The following JAZF1 variants were observed in gnomAD, a reference collection of about 807,000 sequenced individuals.
JAZF1 encodes the protein juxtaposed with another zinc finger protein 1.
Under a neutral mutation model 26.4 loss-of-function variants are expected in JAZF1, and 8 were observed. The observed-to-expected ratio is 0.30, with a 90% CI of 0.18 to 0.55. The LOEUF is 0.55. JAZF1 is among the 20% of genes least tolerant of loss of function. The pLI is 0.94. For missense variants in JAZF1, 199 were observed against 322.0 expected (o/e 0.62, Z 2.92); for synonymous variants, 126 against 122.3 (o/e 1.03, Z -0.20).
chr7:27,976,188 C>CA (rs1407175494), intron 2 of JAZF1, among the ~76,000 whole-genome samples: 2 of 151,278 alleles, frequency 1.3e-5, no homozygotes, highest in African/African-American at 2.4e-5. Context: ...ACTAAAAATA[C>CA]AAAAAAAATT....
Position 28,108,258 on chromosome 7 carries a change from G to A in JAZF1, c.115+72205C>T, listed in dbSNP as rs559247965. On this transcript the variant is annotated intron_variant, in intron 1 of 4. Transcript: ENST00000283928. ...CATATCCAGGCCCAGTTAATGCCCC[G>A]ATTGGATTAACCTTCCAACCTCTCT... Among the ~76,000 whole-genome samples, 5 of 152,262 alleles carry A rather than the reference G, an allele frequency of 3.3e-5. No individual in the cohort carries two copies. In the South Asian group the frequency reaches 6.2e-4, roughly 19 times the overall value.
chr7:27,978,259 G>A (rs969729358), intron 2 of JAZF1, among the ~76,000 whole-genome samples: 3 of 152,122 alleles, frequency 2.0e-5, no homozygotes, highest in Non-Finnish European at 4.4e-5. Flanking sequence ...GACAGGATTC[G>A]AACCTAAACA....
intron 2 of JAZF1, among the ~76,000 whole-genome samples, chr7:27,899,950 G>C (rs1288640695): frequency 6.6e-6 from 1 of 152,194 alleles, no homozygotes; most frequent in Non-Finnish European, 1.5e-5. Context: ...GGGAAATGCA[G>C]TGAGAACTCC....
chr7:28,150,771 C>CT (rs1288177281), intron 1 of JAZF1, among the ~76,000 whole-genome samples: 1 of 152,192 alleles, frequency 6.6e-6, no homozygotes, highest in Non-Finnish European at 1.5e-5. Flanking sequence ...GCCACTTCGC[C>CT]TCCAGGCCCA....
rs1365563514 is a variant in JAZF1, at chr7:27,840,762, C to G, written c.491G>C (p.Cys164Ser). ...AGGCTTCTCTTCCCCTCCATTCATG[C>G]ACATGGAGCTGAGGATGGCTTCGGA... ...ISSEAILSSM[C>S]MNGGEEKPFA... The change falls in exon 4 of 5, where the codon TGC becomes TCC. Residue 164 changes from cysteine (C) to serine (S), a missense_variant. Cys to Ser is a moderately radical substitution (Grantham distance 112). Around this residue, in one of 2 missense-constraint regions of JAZF1, gnomAD observed 62 missense variants for 137.2 expected, o/e 0.45. Coordinates refer to ENST00000283928, the MANE Select transcript of JAZF1 (RefSeq NM_175061.4). This position sits in a 1 kb window ranked among gnomAD's most constrained non-coding sequence, Gnocchi z 5.1. The G allele has an allele frequency of 6.2e-7, 1 of 1,614,138 alleles. No individual in the cohort carries two copies. The highest frequency in any genetic ancestry group is 8.5e-7 in the Non-Finnish European group (1 of 1,179,944).
At chr7:28,172,820 G>A (rs1783492117) in intron 1 of JAZF1, among the ~76,000 whole-genome samples, 2 of 152,244 alleles carry the variant, frequency 1.3e-5, no homozygotes, top group South Asian at 4.1e-4. Flanking sequence ...AGGATGGCTA[G>A]GGATAACTTG....
chr7:27,845,464 C>T (rs909850017), intron 3 of JAZF1, among the ~76,000 whole-genome samples: 7 of 151,988 alleles, frequency 4.6e-5, no homozygotes, highest in African/African-American at 1.2e-4. Flanking sequence ...TTTGGGAGGC[C>T]GAGGCGGGTG....
At chr7:28,161,808 C>T (rs1322652553) in intron 1 of JAZF1, among the ~76,000 whole-genome samples, 1 of 152,110 alleles carries the variant, frequency 6.6e-6, no homozygotes, top group African/African-American at 2.4e-5. Flanking sequence ...TCTCACCATT[C>T]GCATGGCAGT....
intron 2 of JAZF1, among the ~76,000 whole-genome samples, chr7:27,949,061 G>C (rs577202853): frequency 6.6e-6 from 1 of 152,236 alleles, no homozygotes; most frequent in East Asian, 1.9e-4. Context: ...TCCCACAACA[G>C]CTGCTCTCAT....
At chr7:28,015,082 T>C (rs1782863976) in intron 1 of JAZF1, among the ~76,000 whole-genome samples, 1 of 150,702 alleles carries the variant, frequency 6.6e-6, no homozygotes, top group Admixed American at 6.6e-5. Flanking sequence ...TAGGGGGCAG[T>C]GCAACCTACA....
intron 3 of JAZF1, among the ~76,000 whole-genome samples, chr7:27,882,488 A>G (rs897647538): frequency 2.6e-5 from 4 of 152,222 alleles, no homozygotes; most frequent in African/African-American, 9.6e-5. Flanking sequence ...GACATGCACA[A>G]TCTCTTTGTC....
chr7:27,914,730 C>T (rs1562527857), intron 2 of JAZF1: 2 of 471,124 alleles, frequency 4.2e-6, no homozygotes, highest in East Asian at 6.9e-5. Context: ...CAACAGTTAC[C>T]TTTCATTTCC....
chr7:27,846,405 A>ATG (rs1259104767), intron 3 of JAZF1: 6 of 324,040 alleles, frequency 1.9e-5, no homozygotes, highest in Non-Finnish European at 4.0e-5. Context: ...ATACGTATAC[A>ATG]TGTATATATA....
At chr7:28,073,467 C>G (rs1784007236) in intron 1 of JAZF1, among the ~76,000 whole-genome samples, 1 of 152,214 alleles carries the variant, frequency 6.6e-6, no homozygotes, top group African/African-American at 2.4e-5. Context: ...TCCTGACTCT[C>G]TGGACCCGAA....
At chr7:27,977,833 T>C (rs1481993084) in intron 2 of JAZF1, among the ~76,000 whole-genome samples, 2 of 152,202 alleles carry the variant, frequency 1.3e-5, no homozygotes, top group Non-Finnish European at 2.9e-5. Flanking sequence ...GCTTACTCCA[T>C]TGCAGTAAGG....
At chr7:28,009,471 C>T (rs1164916527) in intron 1 of JAZF1, among the ~76,000 whole-genome samples, 1 of 151,912 alleles carries the variant, frequency 6.6e-6, no homozygotes, top group Non-Finnish European at 1.5e-5. Context: ...TGTGATGTAC[C>T]CTGATAATAC....
intron 1 of JAZF1, among the ~76,000 whole-genome samples, chr7:27,999,040 T>A (rs182639166): frequency 1.3e-5 from 2 of 152,308 alleles, no homozygotes; most frequent in East Asian, 3.9e-4. Context: ...GGTGATGGGG[T>A]GTGCTTTGTC....
At chr7:28,141,520 T>C (rs1438605039) in intron 1 of JAZF1, among the ~76,000 whole-genome samples, 1 of 152,228 alleles carries the variant, frequency 6.6e-6, no homozygotes, top group Non-Finnish European at 1.5e-5. Context: ...CAGGATTGTA[T>C]TATGGCCCTA....
intron 1 of JAZF1, among the ~76,000 whole-genome samples, chr7:28,016,780 C>T (rs2128371748): frequency 6.6e-6 from 1 of 152,298 alleles, no homozygotes; most frequent in South Asian, 2.1e-4. Flanking sequence ...GGGGATCGTT[C>T]TCTGCTTTCT....
Sources: gnomAD v4.1 joint callset for allele counts (sites outside exome capture counted in the v4.1 genomes callset) on GRCh38, gnomAD v4.1.1 for gene constraint, gnomAD v4.1.1 regional missense constraint, Gnocchi (gnomAD v3.1) non-coding constraint, MANE v1.5 for transcripts, NCBI Gene and HGNC (gene_info 2026-07-23, HGNC 2026-07-21) for gene names.